Variants in SLC7A9 observed in about 807,000 individuals in gnomAD.
The protein encoded by SLC7A9 is B(0,+)-type amino acid transporter 1.
A neutral mutation model predicts 54.1 loss-of-function variants in SLC7A9; 38 were observed. The ratio of observed to expected loss-of-function variants is 0.70; its 90% confidence interval spans 0.54 to 0.92. SLC7A9 has a LOEUF of 0.92. SLC7A9 is among the 40% of genes least tolerant of loss of function. The pLI is 0.00. For synonymous variants in SLC7A9, 264 were observed against 258.9 expected (o/e 1.02, Z -0.19); for missense variants, 537 against 636.1 (o/e 0.84, Z 1.68).
chr19:32,844,326 T>A (rs1968217472), intron 9 of SLC7A9, among the ~76,000 whole-genome samples: 1 of 152,170 alleles, frequency 6.6e-6, no homozygotes. Flanking sequence ...GTTGGGAACA[T>A]TCAATATCCT....
intron 10 of SLC7A9, among the ~76,000 whole-genome samples, chr19:32,842,575 G>A (rs1006123516): frequency 6.0e-5 from 9 of 149,646 alleles, no homozygotes; most frequent in African/African-American, 2.2e-4. Flanking sequence ...ATATTAGGTT[G>A]GTGCAAAAGT....
chr19:32,843,801 A>G (rs1355239846), intron 10 of SLC7A9, 54 bp downstream of exon 10: 17 of 1,386,834 alleles, frequency 1.2e-5, no homozygotes, highest in South Asian at 2.3e-5. Context: ...TTAGCACCCC[A>G]TGGATGGAGT....
At chr19:32,832,216 G>T (rs539694597) in intron 12 of SLC7A9, among the ~76,000 whole-genome samples, 2 of 152,044 alleles carry the variant, frequency 1.3e-5, no homozygotes, top group South Asian at 4.2e-4. Context: ...TTGAACGTGG[G>T]AGGCAGAGGT....
chr19:32,843,899 T>C lies in SLC7A9; in HGVS notation c.1030A>G (p.Ile344Val), dbSNP rs1431371959. ...EGHMLKVLSYISVRRLTPAPA... is the reference protein window; with the variant it reads ...EGHMLKVLSYVSVRRLTPAPA... ...GCTGGAGTGAGGCGCCTGACGCTGA[T>C]GTAAGAAAGCACTTTGAGCATGTGA... is the stretch of plus-strand genomic sequence containing the variant. The change falls in exon 10 of 13, where the codon ATC becomes GTC. Residue 344 changes from isoleucine (I) to valine (V), a missense_variant. By Grantham distance (29) the Ile-to-Val change is conservative. Transcript: ENST00000023064. The C allele has an allele frequency of 2.5e-6, 4 of 1,613,934 alleles. No individual in the cohort carries two copies. The highest frequency in any genetic ancestry group is 3.4e-6 in the Non-Finnish European group (4 of 1,179,978).
chr19:32,853,317 T>G (rs536475751), intron 9 of SLC7A9, among the ~76,000 whole-genome samples: 10 of 152,286 alleles, frequency 6.6e-5, no homozygotes, highest in African/African-American at 2.4e-4. Context: ...AATTAGGCAA[T>G]GAGGAAACTT....
At chr19:32,854,141 TAG>T (rs1968550366) in intron 9 of SLC7A9, among the ~76,000 whole-genome samples, 1 of 151,758 alleles carries the variant, frequency 6.6e-6, no homozygotes, top group Non-Finnish European at 1.5e-5. Flanking sequence ...GTCTCCTGAG[TAG>T]CTGGGACCAC....
intron 9 of SLC7A9, among the ~76,000 whole-genome samples, 198 bp from the exon 10 acceptor site, chr19:32,844,149 C>T (rs553449198): frequency 3.5e-4 from 53 of 152,196 alleles, no homozygotes; most frequent in South Asian, 4.1e-4. Context: ...GGAGGTTAAA[C>T]GCACTGAGAG....
At chr19:32,845,953 G>A (rs147484747) in intron 9 of SLC7A9, among the ~76,000 whole-genome samples, 3,380 of 152,254 alleles carry the variant, frequency 0.022, 49 homozygotes, top group Middle Eastern at 0.048. Flanking sequence ...GCAGTGAGCC[G>A]AGATTGCACC....
In SLC7A9 at chr19:32,837,492, CAAAAAAA is replaced by C. The variant is rs57648590; in HGVS notation, c.1225-4176_1225-4170del. On this transcript the variant is annotated intron_variant, in intron 11 of 12. Transcript: ENST00000023064. ...CTGGGTGACAGAGGAGATTCCATCT[CAAAAAAA>C]AAAAAAAAAAAAAAAAAAAGAAACC... is the stretch of plus-strand genomic sequence containing the variant. Among the ~76,000 whole-genome samples, 343 of 54,524 alleles carry C rather than the reference CAAAAAAA, an allele frequency of 6.3e-3. 1 individual carries two copies. The highest frequency in any genetic ancestry group is 0.016 in the African/African-American group (271 of 17,174). 35.8% of individuals were successfully genotyped at this position (54,524 alleles called of 152,430 possible).
intron 8 of SLC7A9, among the ~76,000 whole-genome samples, chr19:32,859,003 G>A (rs1968714562): frequency 6.6e-6 from 1 of 151,930 alleles, no homozygotes; most frequent in Non-Finnish European, 1.5e-5. Flanking sequence ...TGGCCAGGCT[G>A]GTCTCAATCT....
chr19:32,832,640 G>A (rs1369028518), intron 12 of SLC7A9: 1 of 163,550 alleles, frequency 6.1e-6, no homozygotes. Flanking sequence ...GGCCAGGTAC[G>A]GTGGCTTAGG....
intron 1 of SLC7A9, 77 bp downstream of exon 1, chr19:32,869,609 C>A (rs1401106895): frequency 6.6e-6 from 1 of 152,210 alleles, no homozygotes; most frequent in Admixed American, 6.5e-5. Context: ...CCTGTACCCT[C>A]TCTCTAAATA....
chr19:32,854,441 C>A (rs1968559569), intron 9 of SLC7A9, among the ~76,000 whole-genome samples: 1 of 152,140 alleles, frequency 6.6e-6, no homozygotes, highest in Non-Finnish European at 1.5e-5. Context: ...TATTCATATG[C>A]AAGTGGGAAA....
chr19:32,840,668 T>G (rs903223572), intron 11 of SLC7A9, among the ~76,000 whole-genome samples: 2 of 152,228 alleles, frequency 1.3e-5, no homozygotes, highest in Admixed American at 6.5e-5. Context: ...GTTGTTTCTC[T>G]TGCTGTTGTC....
At chr19:32,844,502 T>C (rs917128325) in intron 9 of SLC7A9, among the ~76,000 whole-genome samples, 2 of 152,050 alleles carry the variant, frequency 1.3e-5, no homozygotes, top group Non-Finnish European at 2.9e-5. Context: ...TCTGGTATCC[T>C]CTGGCTAACC....
At chr19:32,832,154 T>C (rs1196819909) in intron 12 of SLC7A9, among the ~76,000 whole-genome samples, 1 of 151,804 alleles carries the variant, frequency 6.6e-6, no homozygotes, top group Non-Finnish European at 1.5e-5. Context: ...CCGGGTGTGG[T>C]GGCAGGCGCC....
At chr19:32,840,836 A>G (rs189789193) in intron 11 of SLC7A9, among the ~76,000 whole-genome samples, 1 of 152,200 alleles carries the variant, frequency 6.6e-6, no homozygotes, top group Admixed American at 6.5e-5. Flanking sequence ...TCTCCTGGGA[A>G]CACATGGTGC....
chr19:32,834,212 G>C (rs901214011), intron 11 of SLC7A9, among the ~76,000 whole-genome samples: 6 of 152,184 alleles, frequency 3.9e-5, no homozygotes, highest in African/African-American at 1.4e-4. Context: ...AAGCCTCTTT[G>C]TTTTCTGGGT....
intron 9 of SLC7A9, among the ~76,000 whole-genome samples, chr19:32,851,698 G>A (rs1968471463): frequency 6.6e-6 from 1 of 152,120 alleles, no homozygotes; most frequent in African/African-American, 2.4e-5. Context: ...TATAAATCAT[G>A]CTGCTATAAA....
Sources: allele counts gnomAD v4.1 joint callset (sites outside exome capture counted in the v4.1 genomes callset), GRCh38; gene constraint gnomAD v4.1.1; transcripts MANE v1.5; gene names NCBI Gene and HGNC (gene_info 2026-07-23, HGNC 2026-07-21).